The following TOP1MT variants were observed in gnomAD, a reference collection of about 807,000 sequenced individuals.
TOP1MT encodes the protein DNA topoisomerase I mitochondrial, also known as DNA topoisomerase I, mitochondrial.
A neutral mutation model predicts 73.9 loss-of-function variants in TOP1MT; 80 were observed. That is an observed-to-expected ratio of 1.08 (90% CI 0.90 to 1.30). The LOEUF (loss-of-function observed/expected upper bound fraction) is 1.30, where lower values mean the gene tolerates loss of function less well. Among genes scored for constraint, TOP1MT ranks in the 50% most tolerant of loss-of-function variants. The pLI is 0.00. For synonymous variants in TOP1MT, 338 were observed against 326.4 expected, an observed-to-expected ratio of 1.04 and a Z score of -0.38; for missense variants, 815 against 808.0, an observed-to-expected ratio of 1.01 and a Z score of -0.10.
At position 143,321,395 on chromosome 8, in the gene TOP1MT, T is replaced by G. The variant is rs761381304; in HGVS notation, c.961-9A>C. 3.9e-5 allele frequency: 62 copies of G among 1,571,578 alleles called. No individual in the cohort carries two copies. Among genetic ancestry groups the G allele is most frequent in the Non-Finnish European group, 4.9e-5 (56 of 1,152,704 alleles). On this transcript the variant is annotated splice_polypyrimidine_tract_variant and intron_variant, in intron 7 of 13. Coordinates refer to ENST00000329245, the MANE Select transcript of TOP1MT (RefSeq NM_052963.3). ...CCTGCTCTCAGTGCCAGCTAGTTGG[T>G]GGGGAATGGTCAAAGTGGGTGGTGC...
chr8:143,358,401 T>C (rs981355212), upstream of TOP1MT, among the ~76,000 whole-genome samples: 4 of 152,320 alleles, frequency 2.6e-5, no homozygotes, highest in South Asian at 8.3e-4. Flanking sequence ...TCCTGGGCTG[T>C]GGTTCAGACA....
At chr8:143,325,226 G>T in intron 5 of TOP1MT, 120 bp downstream of exon 5, 1 of 943,600 alleles carries the variant, frequency 1.1e-6, no homozygotes, top group Non-Finnish European at 1.5e-6. Flanking sequence ...CAGGAATGGT[G>T]TGGGGGTCAC....
At position 143,342,701 on chromosome 8, in the gene TOP1MT, CAG is replaced by C. The variant is rs1340196319; in HGVS notation, c.29+517_29+518del. On this transcript the variant is annotated intron_variant, in intron 2 of 5. Transcript: ENST00000518007. ...CTATTATTATTATTATTATTAGAGACAGAGTCTCGCTGTTATTATTATTATTA... is the reference window on the plus strand; with the variant it reads ...CTATTATTATTATTATTATTAGAGACAGTCTCGCTGTTATTATTATTATTA... Among the ~76,000 whole-genome samples, 4 of 107,772 alleles carry C rather than the reference CAG, an allele frequency of 3.7e-5. 1 individual carries two copies. The highest frequency in any genetic ancestry group is 7.9e-5 in the Non-Finnish European group (4 of 50,530). 70.7% of individuals were successfully genotyped at this position (107,772 alleles called of 152,430 possible).
At chr8:143,323,145 CAG>C (rs1323672040) in intron 7 of TOP1MT, among the ~76,000 whole-genome samples, 14 of 103,056 alleles carry the variant, frequency 1.4e-4, no homozygotes, top group African/African-American at 3.9e-4. Context: ...ACACCACACA[CAG>C]GCACGCCACA....
chr8:143,354,297 A>G (rs1195267995), intron 1 of TOP1MT, among the ~76,000 whole-genome samples: 3 of 152,224 alleles, frequency 2.0e-5, no homozygotes, highest in Admixed American at 2.0e-4. Flanking sequence ...GAAGCCAGGC[A>G]CAAAAGGAAA....
At chr8:143,314,741 G>C (rs1816105963) in intron 12 of TOP1MT, among the ~76,000 whole-genome samples, 1 of 152,092 alleles carries the variant, frequency 6.6e-6, no homozygotes, top group South Asian at 2.1e-4. Context: ...AGCTGTTCCA[G>C]TATAATAAAA....
At chr8:143,315,532 C>T (rs1259950654) in intron 12 of TOP1MT, among the ~76,000 whole-genome samples, 195 bp downstream of exon 12, 3 of 152,084 alleles carry the variant, frequency 2.0e-5, no homozygotes, top group East Asian at 1.9e-4. Flanking sequence ...TACCAGTCTC[C>T]GCGTCTTGGT....
rs1563757578 is a variant in TOP1MT, at chr8:143,321,468, ACACGCACGCCACACGCACGCCACACACG to A, written c.961-110_961-83del. ...CGCACGCCACACACACGCACGCCAC[ACACGCACGCCACACGCACGCCACACACG>A]CACGCCACACACACGCACTCCACAC... On this transcript the variant is annotated intron_variant, in intron 7 of 13. Transcript: ENST00000329245. 2.7e-4 allele frequency: 308 copies of A among 1,144,376 alleles called. 6 individuals carry two copies. Among genetic ancestry groups the A allele is most frequent in the Middle Eastern group, 1.5e-3 (5 of 3,282 alleles). 70.9% of individuals were successfully genotyped at this position (1,144,376 alleles called of 1,614,324 possible).
At chr8:143,325,564 G>A (rs1483720695) in intron 4 of TOP1MT, 31 bp from the exon 5 acceptor site, 4 of 1,590,230 alleles carry the variant, frequency 2.5e-6, no homozygotes, top group South Asian at 2.2e-5. Context: ...GTGGACATTA[G>A]CAGTGAAGAG....
At chr8:143,338,358 G>A (rs1005855864), upstream of TOP1MT, among the ~76,000 whole-genome samples, 5 of 151,950 alleles carry the variant, frequency 3.3e-5, no homozygotes, top group African/African-American at 7.3e-5. Context: ...ACCTGAGGTC[G>A]GGAGTTCAGG....
chr8:143,325,292 C>A, intron 5 of TOP1MT, 54 bp downstream of exon 5: 1 of 1,504,700 alleles, frequency 6.6e-7, no homozygotes, highest in Non-Finnish European at 9.0e-7. Flanking sequence ...AAAAGCCAGC[C>A]TCACCCGGGT....
intron 7 of TOP1MT, among the ~76,000 whole-genome samples, chr8:143,321,930 C>T (rs868593156): frequency 0.019 from 1,107 of 56,974 alleles, no homozygotes; most frequent in African/African-American, 0.033. Flanking sequence ...CACACATGCA[C>T]GCCACACACG....
At chr8:143,329,994 G>A (rs941047950) in intron 2 of TOP1MT, among the ~76,000 whole-genome samples, 3 of 152,156 alleles carry the variant, frequency 2.0e-5, no homozygotes, top group East Asian at 1.9e-4. Context: ...TGGTGGGAAC[G>A]AGGGTGTTCA....
At chr8:143,328,923 C>A (rs1443894566) in intron 3 of TOP1MT, among the ~76,000 whole-genome samples, 3 of 152,186 alleles carry the variant, frequency 2.0e-5, no homozygotes, top group African/African-American at 7.2e-5. Flanking sequence ...AGGAAAAAGC[C>A]TTGAGGCAGC....
upstream of TOP1MT, among the ~76,000 whole-genome samples, chr8:143,349,685 G>C (rs964072486): frequency 2.7e-5 from 4 of 150,018 alleles, no homozygotes; most frequent in South Asian, 8.4e-4. Context: ...CTGTCACCCA[G>C]GTTGGAGTGC....
upstream of TOP1MT, among the ~76,000 whole-genome samples, chr8:143,347,391 G>A (rs1448385937): frequency 1.3e-5 from 2 of 152,114 alleles, no homozygotes; most frequent in Non-Finnish European, 2.9e-5. Context: ...TCCTGACCTC[G>A]TGATCCGCCC....
rs1036380001 is a variant in TOP1MT, at chr8:143,341,501, G to A, written c.29+1719C>T. Among the ~76,000 whole-genome samples the A allele has an allele frequency of 5.3e-5, 8 of 152,212 alleles. No homozygotes were observed. The highest frequency in any genetic ancestry group is 1.9e-4 in the East Asian group (1 of 5,198). On this transcript the variant is annotated intron_variant, in intron 2 of 5. Coordinates refer to the TOP1MT transcript ENST00000518007. The surrounding 1 kb of genome is among the most constrained non-coding windows in gnomAD (Gnocchi z 4.1). ...CACAGGGCCACAAACATACCCACCC[G>A]GAGACCCCAGAGGAGGAGGGAAGGT...
At chr8:143,359,279 G>A, upstream of TOP1MT, 3 of 985,296 alleles carry the variant, frequency 3.0e-6, no homozygotes, top group South Asian at 4.7e-5. Flanking sequence ...GTGTTACAAG[G>A]TGGCTGCCAG....
At chr8:143,357,655 C>T (rs1163183842), upstream of TOP1MT, among the ~76,000 whole-genome samples, 2 of 152,106 alleles carry the variant, frequency 1.3e-5, no homozygotes, top group Non-Finnish European at 2.9e-5. Context: ...AGTGCGGTGG[C>T]TCACGCCTGT....
Sources: gnomAD v4.1 joint callset for allele counts (sites outside exome capture counted in the v4.1 genomes callset) on GRCh38, gnomAD v4.1.1 for gene constraint, Gnocchi (gnomAD v3.1) non-coding constraint, MANE v1.5 for transcripts, NCBI Gene and HGNC (gene_info 2026-07-23, HGNC 2026-07-21) for gene names.